Variants in ITFG1 observed in about 807,000 individuals in gnomAD.
The protein encoded by ITFG1 is T-cell immunomodulatory protein.
ITFG1 carries 34 observed loss-of-function variants against 81.8 expected under a neutral mutation model. The ratio of observed to expected loss-of-function variants is 0.42; its 90% confidence interval spans 0.32 to 0.55. The LOEUF (loss-of-function observed/expected upper bound fraction) is 0.55. Among genes scored for constraint, ITFG1 ranks in the 20% least tolerant of loss-of-function variants. ITFG1 has a pLI of 0.17. For synonymous variants in ITFG1, 285 were observed against 270.6 expected (o/e 1.05, Z -0.52); for missense variants, 672 against 755.4 (o/e 0.89, Z 1.29).
intron 14 of ITFG1, among the ~76,000 whole-genome samples, chr16:47,192,381 T>G (rs1259455832): frequency 6.6e-6 from 1 of 152,230 alleles, no homozygotes; most frequent in Non-Finnish European, 1.5e-5. Context: ...CTGTAGTATT[T>G]GGGTTTCCCT....
intron 14 of ITFG1, among the ~76,000 whole-genome samples, chr16:47,209,239 T>TCATTGTAACTGTAAAATA (rs1965536235): frequency 6.6e-6 from 1 of 152,214 alleles, no homozygotes; most frequent in Non-Finnish European, 1.5e-5. Flanking sequence ...TTTTAATCCA[T>TCATTGTAACTGTAAAATA]CATTGTAACT....
intron 6 of ITFG1, among the ~76,000 whole-genome samples, chr16:47,426,604 T>C (rs542975059): frequency 6.6e-6 from 1 of 151,298 alleles, no homozygotes; most frequent in Non-Finnish European, 1.5e-5. Flanking sequence ...ATACCAAGCA[T>C]ATTGAAGTAC....
In ITFG1 at chr16:47,271,622, G is replaced by A. The variant is rs534839399; in HGVS notation, c.1071-10927C>T. ...CGCCTGTGATCCCAGCACTTTGGGAGGCCGAGGCGGGTGGATCACGAGGTC... is the reference window on the plus strand; with the variant it reads ...CGCCTGTGATCCCAGCACTTTGGGAAGCCGAGGCGGGTGGATCACGAGGTC... On this transcript the variant is annotated intron_variant, in intron 10 of 17. Transcript: ENST00000320640. Among the ~76,000 whole-genome samples, 8 of 152,350 alleles carry A rather than the reference G, an allele frequency of 5.3e-5. No individual in the cohort carries two copies. In the South Asian group the frequency reaches 1.7e-3, roughly 32 times the overall value.
intron 2 of ITFG1, among the ~76,000 whole-genome samples, chr16:47,457,966 T>C (rs1199810454): frequency 2.0e-5 from 3 of 152,222 alleles, no homozygotes; most frequent in Non-Finnish European, 1.5e-5. Flanking sequence ...GCCATTTTTC[T>C]TTTTAACATG....
chr16:47,378,180 T>A (rs1323137712), intron 6 of ITFG1, among the ~76,000 whole-genome samples: 1 of 152,182 alleles, frequency 6.6e-6, no homozygotes, highest in Admixed American at 6.5e-5. Context: ...TTGAAAGAAC[T>A]AAAACTGAGA....
At chr16:47,174,859 C>T (rs1366600924) in intron 14 of ITFG1, among the ~76,000 whole-genome samples, 2 of 152,092 alleles carry the variant, frequency 1.3e-5, no homozygotes, top group East Asian at 1.9e-4. Context: ...TTTCATCTAA[C>T]GGTAATACCT....
At chr16:47,328,415 T>C (rs143663828) in intron 8 of ITFG1, among the ~76,000 whole-genome samples, 1 of 152,044 alleles carries the variant, frequency 6.6e-6, no homozygotes, top group African/African-American at 2.4e-5. Context: ...GGCACATGTA[T>C]ACATATGTAA....
intron 14 of ITFG1, among the ~76,000 whole-genome samples, chr16:47,197,988 A>G (rs952255810): frequency 6.6e-6 from 1 of 152,226 alleles, no homozygotes; most frequent in African/African-American, 2.4e-5. Flanking sequence ...TCTGTAGTAT[A>G]ATTTCTTTTT....
intron 12 of ITFG1, among the ~76,000 whole-genome samples, chr16:47,258,005 G>A (rs1966159619): frequency 6.6e-6 from 1 of 152,196 alleles, no homozygotes; most frequent in Non-Finnish European, 1.5e-5. Context: ...CTCTAAGGGT[G>A]CTAGGCAAAA....
chr16:47,226,682 C>T (rs1175019918), intron 13 of ITFG1, among the ~76,000 whole-genome samples: 2 of 151,848 alleles, frequency 1.3e-5, no homozygotes, highest in Non-Finnish European at 2.9e-5. Context: ...AAAACACTCC[C>T]TTTTCTATTA....
At chr16:47,427,699 A>T (rs1230036088) in intron 6 of ITFG1, among the ~76,000 whole-genome samples, 2 of 152,212 alleles carry the variant, frequency 1.3e-5, no homozygotes, top group Non-Finnish European at 2.9e-5. Context: ...AAAAATCCAC[A>T]CAACTGTACA....
intron 6 of ITFG1, among the ~76,000 whole-genome samples, chr16:47,422,583 T>A (rs950808524): frequency 6.6e-6 from 1 of 152,232 alleles, no homozygotes; most frequent in Admixed American, 6.5e-5. Context: ...TTCCTCTTTG[T>A]ACCTCTGGTA....
intron 8 of ITFG1, among the ~76,000 whole-genome samples, chr16:47,354,296 T>A (rs1296526171): frequency 1.3e-5 from 2 of 152,106 alleles, no homozygotes; most frequent in Non-Finnish European, 2.9e-5. Flanking sequence ...GAACACACAC[T>A]GGGGAAAGGA....
chr16:47,342,182 G>A (rs1270081595), intron 8 of ITFG1, among the ~76,000 whole-genome samples: 1 of 152,136 alleles, frequency 6.6e-6, no homozygotes, highest in Non-Finnish European at 1.5e-5. Flanking sequence ...CCATAACCAA[G>A]TGGGATTTAT....
chr16:47,401,755 T>TA (rs964955962), intron 6 of ITFG1, among the ~76,000 whole-genome samples: 15 of 151,460 alleles, frequency 9.9e-5, no homozygotes, highest in East Asian at 3.9e-4. Context: ...ACAGATTCAT[T>TA]AAAAAAAAAT....
intron 8 of ITFG1, among the ~76,000 whole-genome samples, chr16:47,329,829 G>T (rs912299498): frequency 2.0e-5 from 3 of 152,082 alleles, no homozygotes; most frequent in African/African-American, 7.2e-5. Flanking sequence ...CAGGCAGCCT[G>T]CGTCGAGAGC....
intron 14 of ITFG1, among the ~76,000 whole-genome samples, chr16:47,165,102 C>A (rs934869770): frequency 1.3e-5 from 2 of 152,222 alleles, no homozygotes; most frequent in African/African-American, 4.8e-5. Flanking sequence ...GTGGTCCTCA[C>A]ACTGCCATTC....
intron 6 of ITFG1, among the ~76,000 whole-genome samples, chr16:47,419,535 C>T (rs1250597204): frequency 6.6e-6 from 1 of 151,250 alleles, no homozygotes; most frequent in Non-Finnish European, 1.5e-5. Context: ...GACTCTCAAA[C>T]TGCTGGGATT....
chr16:47,273,066 A>T (rs1178551450), intron 10 of ITFG1, among the ~76,000 whole-genome samples: 2 of 151,676 alleles, frequency 1.3e-5, no homozygotes, highest in African/African-American at 4.9e-5. Flanking sequence ...GAGGTAGCTT[A>T]TGGATCATTT....
Sources: gnomAD v4.1 joint callset for allele counts (sites outside exome capture counted in the v4.1 genomes callset) on GRCh38, gnomAD v4.1.1 for gene constraint, MANE v1.5 for transcripts, NCBI Gene and HGNC (gene_info 2026-07-23, HGNC 2026-07-21) for gene names.